ZNF385B: variants seen among roughly 807,000 people sequenced by gnomAD.
ZNF385B encodes the protein zinc finger protein 533.
A neutral mutation model predicts 39.2 loss-of-function variants in ZNF385B; 23 were observed. The observed-to-expected ratio is 0.59, with a 90% CI of 0.42 to 0.83. ZNF385B has a LOEUF of 0.83. ZNF385B is among the 40% of genes least tolerant of loss of function. The pLI is 0.00. For missense variants in ZNF385B, 552 were observed against 598.9 expected, an observed-to-expected ratio of 0.92 and a Z score of 0.82; for synonymous variants, 205 against 222.6, an observed-to-expected ratio of 0.92 and a Z score of 0.70.
chr2:179,848,021 G>A (rs1708888251), intron 1 of ZNF385B, among the ~76,000 whole-genome samples: 1 of 152,116 alleles, frequency 6.6e-6, no homozygotes, highest in Non-Finnish European at 1.5e-5. Flanking sequence ...GAGGAGTCTA[G>A]CATAACAAGA....
intron 1 of ZNF385B, among the ~76,000 whole-genome samples, chr2:179,803,670 C>T (rs1559209119): frequency 6.6e-6 from 1 of 152,042 alleles, no homozygotes; most frequent in Non-Finnish European, 1.5e-5. Flanking sequence ...AACAATCAAT[C>T]AGCAAATATC....
At chr2:179,588,579 A>G (rs1407573732) in intron 3 of ZNF385B, among the ~76,000 whole-genome samples, 2 of 152,060 alleles carry the variant, frequency 1.3e-5, no homozygotes, top group Non-Finnish European at 2.9e-5. Flanking sequence ...TCATTTTCCA[A>G]CTTAGACTCT....
At chr2:179,607,519 C>T (rs1178847263) in intron 3 of ZNF385B, among the ~76,000 whole-genome samples, 1 of 152,164 alleles carries the variant, frequency 6.6e-6, no homozygotes, top group Non-Finnish European at 1.5e-5. Context: ...GTCAATTAAA[C>T]CTCTTTTCTT....
Position 179,445,632 on chromosome 2 carries a change from C to T in ZNF385B, c.1058G>A (p.Ser353Asn), listed in dbSNP as rs766958548. The T allele has an allele frequency of 6.2e-7, 1 of 1,614,090 alleles. No individual in the cohort carries two copies. The highest frequency in any genetic ancestry group is 2.2e-5 in the East Asian group (1 of 44,866). ...PGSRLKMQNG[S>N]KGSGLQNKTF... ...CTTGTTCTGTAGTCCTGACCCCTTACTGCCATTCTGCATCTTTAATCTTGA... is the reference window on the plus strand; with the variant it reads ...CTTGTTCTGTAGTCCTGACCCCTTATTGCCATTCTGCATCTTTAATCTTGA... Residue 353 changes from serine (S) to asparagine (N), a missense_variant, in exon 8 of 10, where the codon AGT becomes AAT. By Grantham distance (46) the Ser-to-Asn change is conservative. Coordinates refer to ENST00000410066, the MANE Select transcript of ZNF385B (RefSeq NM_152520.6).
intron 1 of ZNF385B, among the ~76,000 whole-genome samples, chr2:179,822,420 A>T (rs761853057): frequency 3.9e-5 from 6 of 152,254 alleles, no homozygotes; most frequent in Non-Finnish European, 5.9e-5. Context: ...TAATGATGGT[A>T]ATAATGATGA....
intron 3 of ZNF385B, among the ~76,000 whole-genome samples, chr2:179,621,867 A>C (rs1158049948): frequency 1.3e-5 from 2 of 152,194 alleles, no homozygotes; most frequent in Non-Finnish European, 2.9e-5. Context: ...GCCACTGATG[A>C]AAATGGTAGA....
chr2:179,628,475 G>A (rs1480478516), intron 3 of ZNF385B, among the ~76,000 whole-genome samples: 1 of 152,112 alleles, frequency 6.6e-6, no homozygotes. Flanking sequence ...TGAGTTTCTT[G>A]AAAATGGGTA....
intron 1 of ZNF385B, among the ~76,000 whole-genome samples, chr2:179,771,467 A>G (rs1397141444): frequency 1.3e-5 from 2 of 152,190 alleles, no homozygotes; most frequent in East Asian, 3.9e-4. Flanking sequence ...ATGCCATTTT[A>G]AAGAACTCTC....
At position 179,855,476 on chromosome 2, in the gene ZNF385B, T is replaced by A. The variant is rs548998850; in HGVS notation, c.-155+5625A>T. Reference sequence around the variant, plus strand: ...GGTATGAAAGCCTGGTCATCTTTTGTACCAGTTTATATGTCTTTTAATCCA... The same window carrying A: ...GGTATGAAAGCCTGGTCATCTTTTGAACCAGTTTATATGTCTTTTAATCCA... On this transcript the variant is annotated intron_variant, in intron 1 of 9. Transcript: ENST00000410066. 2.0e-5 allele frequency among the ~76,000 whole-genome samples: 3 copies of A among 152,360 alleles called. No individual in the cohort carries two copies. The East Asian group carries it at 5.8e-4, about 29-fold the overall frequency.
At chr2:179,802,813 T>C (rs955832466) in intron 1 of ZNF385B, 1 of 152,176 alleles carries the variant, frequency 6.6e-6, no homozygotes, top group Non-Finnish European at 1.5e-5. Context: ...CATGATACTA[T>C]GCTGCTTGTT....
At chr2:179,608,767 C>A (rs1689037930) in intron 3 of ZNF385B, among the ~76,000 whole-genome samples, 1 of 151,512 alleles carries the variant, frequency 6.6e-6, no homozygotes. Context: ...TGGTTTTTTA[C>A]ATAGCAAAGT....
In ZNF385B at chr2:179,750,962, A is replaced by G. The variant is rs778688684; in HGVS notation, c.298+18541T>C. On this transcript the variant is annotated intron_variant, in intron 3 of 9. Coordinates refer to ENST00000410066, the MANE Select transcript of ZNF385B (RefSeq NM_152520.6). ...TGTGTTTCTACTGAAAAGGTAAAAT[A>G]CATTATCATACTGATGCATTCTAGC... 2.2e-4 allele frequency among the ~76,000 whole-genome samples: 33 copies of G among 152,258 alleles called. No individual in the cohort carries two copies. The Middle Eastern group carries it at 0.01, about 47-fold the overall frequency.
At chr2:179,685,209 T>C (rs1049567082) in intron 3 of ZNF385B, among the ~76,000 whole-genome samples, 9 of 152,180 alleles carry the variant, frequency 5.9e-5, no homozygotes. Flanking sequence ...AAGTATCACT[T>C]TTTTTCTTTC....
At position 179,443,289 on chromosome 2, in the gene ZNF385B, G is replaced by T; in HGVS notation, c.1422C>A (p.Ile474=). The T allele has an allele frequency of 1.2e-6, 2 of 1,612,654 alleles. No individual in the cohort carries two copies. The highest frequency in any genetic ancestry group is 1.7e-6 in the Non-Finnish European group (2 of 1,180,030). Residue 474 remains isoleucine (I), a synonymous_variant, in exon 10 of 10, where the codon ATC becomes ATA. Coordinates refer to ENST00000410066, the MANE Select transcript of ZNF385B (RefSeq NM_152520.6). ...AGAGGATGGAGGCAGGAGTGGCGCG[G>T]ATGGGCCCATGCCCAGGCCTCAGAA... ...PALLRPGHGP[I]RATPASILFA...
intron 3 of ZNF385B, among the ~76,000 whole-genome samples, chr2:179,673,031 C>T (rs571020929): frequency 2.6e-5 from 4 of 152,226 alleles, no homozygotes; most frequent in East Asian, 1.9e-4. Context: ...AACAGCAAAG[C>T]GAGACGGCAA....
At chr2:179,587,971 T>A (rs1482065030) in intron 3 of ZNF385B, among the ~76,000 whole-genome samples, 1 of 152,206 alleles carries the variant, frequency 6.6e-6, no homozygotes, top group Non-Finnish European at 1.5e-5. Flanking sequence ...TAGGAGTTGA[T>A]AGCACTTGAA....
At chr2:179,798,216 A>G (rs1705800356) in intron 1 of ZNF385B, among the ~76,000 whole-genome samples, 1 of 151,960 alleles carries the variant, frequency 6.6e-6, no homozygotes, top group African/African-American at 2.4e-5. Context: ...GACTCCTGAG[A>G]CACAAATCTA....
intron 1 of ZNF385B, among the ~76,000 whole-genome samples, chr2:179,831,586 C>T (rs902346728): frequency 6.6e-6 from 1 of 151,776 alleles, no homozygotes; most frequent in Non-Finnish European, 1.5e-5. Flanking sequence ...CTTGGAAATA[C>T]GTGCATCAAA....
intron 3 of ZNF385B, among the ~76,000 whole-genome samples, chr2:179,766,784 G>T (rs1287648838): frequency 2.6e-5 from 4 of 151,980 alleles, no homozygotes; most frequent in Non-Finnish European, 5.9e-5. Context: ...ATTTTTTTGT[G>T]TGTGTGTGAA....
Sources: gnomAD v4.1 joint callset for allele counts (sites outside exome capture counted in the v4.1 genomes callset) on GRCh38, gnomAD v4.1.1 for gene constraint, MANE v1.5 for transcripts, NCBI Gene and HGNC (gene_info 2026-07-23, HGNC 2026-07-21) for gene names.